Variants in ARFGAP1 observed in about 807,000 individuals in gnomAD.
ARFGAP1 encodes the protein ADP-ribosylation factor GTPase-activating protein 1.
In ARFGAP1, 26 loss-of-function variants were observed where a neutral mutation model predicts 54.0. That is an observed-to-expected ratio of 0.48 (90% CI 0.35 to 0.67). ARFGAP1 has a LOEUF of 0.67. ARFGAP1 is among the 30% of genes least tolerant of loss of function. The pLI, the probability that ARFGAP1 is intolerant of heterozygous loss-of-function variation, is 0.00. For missense variants in ARFGAP1, 525 were observed against 535.8 expected (o/e 0.98, Z 0.20); for synonymous variants, 248 against 211.9 (o/e 1.17, Z -1.48).
At chr20:63,277,327 T>G in intron 5 of ARFGAP1, 22 bp downstream of exon 5, 1 of 1,596,748 alleles carries the variant, frequency 6.3e-7, no homozygotes, top group African/African-American at 1.3e-5. Flanking sequence ...TCGTGGGGCC[T>G]TAGTACAGTT....
chr20:63,276,371 C>T lies in ARFGAP1; in HGVS notation c.171-109C>T, dbSNP rs2067238032. 4 of 1,455,020 alleles carry T rather than the reference C, an allele frequency of 2.7e-6. No individual in the cohort carries two copies. The highest frequency in any genetic ancestry group is 2.6e-5 in the South Asian group (2 of 78,030). The allele number at this position is 1,455,020 out of a possible 1,614,324, so 90.1% of individuals were successfully genotyped here. On this transcript the variant is annotated intron_variant, in intron 3 of 12. Transcript: ENST00000370283. The surrounding 1 kb of genome is among the most constrained non-coding windows in gnomAD (Gnocchi z 5.2). Reference sequence around the variant, plus strand: ...GAGTTCCAGCTGCTGGCCACTCAGCCTCCCTGCGGCTGCTGCTTGCTGTGT... The same window carrying T: ...GAGTTCCAGCTGCTGGCCACTCAGCTTCCCTGCGGCTGCTGCTTGCTGTGT...
Position 63,284,311 on chromosome 20 carries a change from C to T in ARFGAP1, c.718-555C>T, listed in dbSNP as rs186812674. On this transcript the variant is annotated intron_variant, in intron 9 of 12. Coordinates refer to ENST00000370283, the MANE Select transcript of ARFGAP1 (RefSeq NM_018209.4). ...GTTCTTCCCTTTCCGGCCTTTGATC[C>T]GTGCTGCTCCCTGCCTTTGGGGGAA... is the stretch of plus-strand genomic sequence containing the variant. 1.2e-3 allele frequency: 1,324 copies of T among 1,066,690 alleles called. 8 individuals carry two copies. The highest frequency in any genetic ancestry group is 9.5e-4 in the Non-Finnish European group (839 of 879,976). The allele number at this position is 1,066,690 out of a possible 1,614,324, so 66.1% of individuals were successfully genotyped here.
intron 9 of ARFGAP1, chr20:63,283,803 C>T (rs371908721): frequency 9.3e-6 from 15 of 1,609,912 alleles, no homozygotes; most frequent in South Asian, 8.8e-5. Context: ...ACTAATGCCG[C>T]CCCTCACCTT....
At chr20:63,277,347 T>C in intron 5 of ARFGAP1, 42 bp downstream of exon 5, 1 of 1,523,322 alleles carries the variant, frequency 6.6e-7, no homozygotes. Context: ...TTCCACTGGG[T>C]CCTGAACTTA....
At chr20:63,273,417 G>T (rs1428372233) in intron 1 of ARFGAP1, 1 of 152,342 alleles carries the variant, frequency 6.6e-6, no homozygotes, top group South Asian at 2.1e-4. Context: ...AGAAGTGAGG[G>T]TCCTAAGAAG....
At chr20:63,285,858 C>T in intron 11 of ARFGAP1, 145 bp downstream of exon 11, 5 of 1,448,298 alleles carry the variant, frequency 3.5e-6, no homozygotes, top group Non-Finnish European at 4.7e-6. Context: ...GGAGAGCTGC[C>T]CAGCCTGACA....
chr20:63,278,104 T>G lies in ARFGAP1; in HGVS notation c.444-13T>G. The G allele has an allele frequency of 6.2e-7, 1 of 1,613,192 alleles. No individual in the cohort carries two copies. Among genetic ancestry groups the G allele is most frequent in the Non-Finnish European group, 8.5e-7 (1 of 1,179,608 alleles). ...CAGTTTTGGCCTTACCAGCCTTCGA[T>G]TCTCGGTTTCAGAGTCTCTGGCCAG... On this transcript the variant is annotated splice_polypyrimidine_tract_variant and intron_variant, in intron 5 of 12. Transcript: ENST00000370283.
chr20:63,281,632 T>C (rs947125742), intron 8 of ARFGAP1, among the ~76,000 whole-genome samples: 5 of 152,130 alleles, frequency 3.3e-5, no homozygotes, highest in African/African-American at 4.8e-5. Flanking sequence ...GTGAGCCCCA[T>C]TGATTCCTAG....
rs374163888 is a variant in ARFGAP1 at position 63,278,219 on chromosome 20, C to T, written c.530+16C>T. On this transcript the variant is annotated intron_variant, in intron 6 of 12. Transcript: ENST00000370283. ...CCTATCAAGGGTAAGGACTTGAGAG[C>T]TGGGGACGCCTGGCGTGGGCCAGGC... 6 of 1,611,254 alleles carry T rather than the reference C, an allele frequency of 3.7e-6. No individual in the cohort carries two copies. In the Admixed American group the frequency reaches 8.3e-5, roughly 22 times the overall value.
At chr20:63,273,461 C>T (rs1052137173) in intron 1 of ARFGAP1, 1 of 152,210 alleles carries the variant, frequency 6.6e-6, no homozygotes, top group Admixed American at 6.5e-5. Flanking sequence ...TTCAAGCGTT[C>T]AGAGTTTTTG....
In ARFGAP1 at chr20:63,275,625, G is replaced by C; in HGVS notation, c.45G>C (p.Val15=). Residue 15 remains valine (V), a synonymous_variant, in exon 2 of 13, where the codon GTG becomes GTC. Coordinates refer to ENST00000370283, the MANE Select transcript of ARFGAP1 (RefSeq NM_018209.4). ...GGAAGGTTCTTAAAGAAGTCAGGGT[G>C]CAGGATGAGAACAACGTAAGCCTCT... ...RTRKVLKEVR[V]QDENNVCFEC... 1 of 1,613,926 alleles carries C rather than the reference G, an allele frequency of 6.2e-7. No individual in the cohort carries two copies. Among genetic ancestry groups the C allele is most frequent in the Non-Finnish European group, 8.5e-7 (1 of 1,180,014 alleles).
chr20:63,284,064 T>A, intron 9 of ARFGAP1: 1 of 1,417,052 alleles, frequency 7.1e-7, no homozygotes, highest in Non-Finnish European at 9.2e-7. Flanking sequence ...CAGGCTTGGC[T>A]GTGTGTGCCT....
chr20:63,278,534 G>T (rs2067292816), intron 6 of ARFGAP1: 1 of 459,048 alleles, frequency 2.2e-6, no homozygotes, highest in African/African-American at 2.0e-5. Flanking sequence ...GGTCTTGGGT[G>T]TAGAGAAGCG....
At chr20:63,286,196 G>A (rs1404766657) in intron 11 of ARFGAP1, 170 bp from the exon 12 acceptor site, 2 of 1,549,362 alleles carry the variant, frequency 1.3e-6, no homozygotes, top group East Asian at 2.4e-5. Context: ...CACCGCTGCA[G>A]AGTGGCCGGG....
In ARFGAP1 at chr20:63,287,826, C is replaced by A; in HGVS notation, c.1174C>A (p.Pro392Thr). ...EGGEGTKKAV[P>T]PAVPTDDGWD... is the part of the protein sequence containing the mutation. ...CGGGGAGGGCACCAAGAAGGCAGTG[C>A]CGCCGGCCGTGCCCACTGATGATGG... Residue 392 changes from proline (P) to threonine (T), a missense_variant, in exon 13 of 13, where the codon CCG becomes ACG. Coordinates refer to ENST00000370283, the MANE Select transcript of ARFGAP1 (RefSeq NM_018209.4). The A allele has an allele frequency of 6.3e-7, 1 of 1,579,776 alleles. No individual in the cohort carries two copies. The highest frequency in any genetic ancestry group is 8.6e-7 in the Non-Finnish European group (1 of 1,163,458).
At chr20:63,273,985 C>T (rs1275140734) in intron 1 of ARFGAP1, 1 of 152,274 alleles carries the variant, frequency 6.6e-6, no homozygotes, top group Non-Finnish European at 1.5e-5. Context: ...CAGGTTTTCC[C>T]TATTCCATCC....
chr20:63,274,542 C>T (rs943897028), intron 1 of ARFGAP1, among the ~76,000 whole-genome samples: 6 of 151,988 alleles, frequency 3.9e-5, no homozygotes, highest in African/African-American at 9.7e-5. Context: ...CAGAGTTCAG[C>T]GTGTTCTCTG....
intron 5 of ARFGAP1, 24 bp from the exon 6 acceptor site, chr20:63,278,093 C>G: frequency 1.9e-6 from 3 of 1,612,364 alleles, no homozygotes; most frequent in Non-Finnish European, 2.5e-6. Context: ...TTTGGCCTTA[C>G]CAGCCTTCGA....
At chr20:63,275,720 A>G in intron 2 of ARFGAP1, 80 bp downstream of exon 2, 2 of 1,405,796 alleles carry the variant, frequency 1.4e-6, no homozygotes, top group South Asian at 1.2e-5. Flanking sequence ...CTGAGCCTGT[A>G]GTTCTGGGAC....
Sources: gnomAD v4.1 joint callset for allele counts (sites outside exome capture counted in the v4.1 genomes callset) on GRCh38, gnomAD v4.1.1 for gene constraint, Gnocchi (gnomAD v3.1) non-coding constraint, MANE v1.5 for transcripts, NCBI Gene and HGNC (gene_info 2026-07-23, HGNC 2026-07-21) for gene names.